CTSD: variants seen among roughly 807,000 people sequenced by gnomAD.
CTSD encodes the protein ceroid-lipofuscinosis, neuronal 10.
A neutral mutation model predicts 43.6 loss-of-function variants in CTSD; 28 were observed. That is an observed-to-expected ratio of 0.64 (90% CI 0.48 to 0.88). The LOEUF (loss-of-function observed/expected upper bound fraction) is 0.88. Among genes scored for constraint, CTSD ranks in the 40% least tolerant of loss-of-function variants. The pLI is 0.00. For missense variants in CTSD, 485 were observed against 555.2 expected (o/e 0.87, Z 1.27); for synonymous variants, 270 against 249.8 (o/e 1.08, Z -0.76).
At chr11:1,763,740 C>T in intron 1 of CTSD, 52 bp downstream of exon 1, 1 of 1,483,498 alleles carries the variant, frequency 6.7e-7, no homozygotes, top group Non-Finnish European at 9.0e-7. Flanking sequence ...GCCCCGGGAC[C>T]TCGGCGCCGC....
chr11:1,754,539 GGA>G (rs1565019496), intron 6 of CTSD, among the ~76,000 whole-genome samples: 53 of 130,192 alleles, frequency 4.1e-4, no homozygotes, highest in South Asian at 1.1e-3. Flanking sequence ...ATGGAGGGAT[GGA>G]GGGATGGAGG....
intron 1 of CTSD, 144 bp from the exon 2 acceptor site, chr11:1,761,612 C>T: frequency 1.1e-6 from 1 of 888,656 alleles, no homozygotes; most frequent in Non-Finnish European, 1.8e-6. Context: ...CACCTGGAAA[C>T]TGCTGGCCCA....
In CTSD at chr11:1,757,374, C is replaced by T. The variant is rs201551100; in HGVS notation, c.654G>A (p.Leu218=). 62 of 1,614,144 alleles carry T rather than the reference C, an allele frequency of 3.8e-5. 1 individual carries two copies. The East Asian group carries it at 1.4e-3, about 35-fold the overall frequency. ...TCTGGTCCACCAGCTTCTGCTGCAT[C>T]AGGTTGTCGAAGACGGGCAGCACGT... is the stretch of plus-strand genomic sequence containing the variant. The part of the protein sequence containing the change: ...VNNVLPVFDN[L]MQQKLVDQNI... The change falls in exon 5 of 9, where the codon CTG becomes CTA. Residue 218 remains leucine (L), a synonymous_variant. Coordinates refer to ENST00000236671, the MANE Select transcript of CTSD (RefSeq NM_001909.5).
At chr11:1,759,341 C>T (rs1845846845) in intron 3 of CTSD, among the ~76,000 whole-genome samples, 175 bp downstream of exon 3, 1 of 152,226 alleles carries the variant, frequency 6.6e-6, no homozygotes, top group Non-Finnish European at 1.5e-5. Context: ...GAGAGCAAGA[C>T]CACAGCTGGT....
At position 1,763,838 on chromosome 11, in the gene CTSD, G is replaced by C; in HGVS notation, c.22C>G (p.Pro8Ala). ...GCAGCCAGCAGGCAGAGGGCGAGCG[G>C]CAGAAGGCTGGAGGGCTGCATGGCG... MQPSSLL[P>A]LALCLLAAPA... Residue 8 changes from proline (P) to alanine (A), a missense_variant, in exon 1 of 9, where the codon CCG becomes GCG. Coordinates refer to ENST00000236671, the MANE Select transcript of CTSD (RefSeq NM_001909.5). 6.5e-7 allele frequency: 1 copy of C among 1,528,258 alleles called. No homozygotes were observed. Among genetic ancestry groups the C allele is most frequent in the Non-Finnish European group, 8.7e-7 (1 of 1,143,012 alleles). 94.7% of individuals were successfully genotyped at this position (1,528,258 alleles called of 1,614,324 possible).
chr11:1,754,724 T>A (rs1307709219), intron 6 of CTSD, among the ~76,000 whole-genome samples, 182 bp downstream of exon 6: 2 of 121,710 alleles, frequency 1.6e-5, no homozygotes. Flanking sequence ...GGGATGGAGG[T>A]GATGGGGAGC....
At position 1,757,406 on chromosome 11, in the gene CTSD, C is replaced by T. The variant is rs778031733; in HGVS notation, c.622G>A (p.Val208Ile). 25 of 1,614,076 alleles carry T rather than the reference C, an allele frequency of 1.5e-5. No individual in the cohort carries two copies. The highest frequency in any genetic ancestry group is 4.0e-5 in the African/African-American group (3 of 74,952). The change falls in exon 5 of 9, where the codon GTC (valine) becomes ATC (isoleucine). Residue 208 changes from valine (V) to isoleucine (I), a missense_variant. Physicochemically the swap from Val to Ile is conservative, Grantham distance 29. Transcript: ENST00000236671. ...TCGAAGACGGGCAGCACGTTGTTGA[C>T]GGAGATGCGGGGGTAGGCCATGCCC... Reference protein sequence around the residue: ...ILGMAYPRISVNNVLPVFDNL... With the variant: ...ILGMAYPRISINNVLPVFDNL...
In CTSD at chr11:1,753,274, C is replaced by T. The variant is rs1331052666; in HGVS notation, c.*229G>A. ...AGATCTGTGCTCTGGATCAGCTCTA[C>T]CCCCACCAAACAGATGGAGAGACAG... On this transcript the variant is annotated 3_prime_UTR_variant, in exon 9 of 9. Transcript: ENST00000236671. The T allele has an allele frequency of 6.5e-6, 4 of 613,684 alleles. No individual in the cohort carries two copies. The highest frequency in any genetic ancestry group is 5.1e-5 in the Admixed American group (2 of 39,112). 38.0% of individuals were successfully genotyped at this position (613,684 alleles called of 1,614,324 possible).
chr11:1,757,296 C>T lies in CTSD; in HGVS notation c.704+28G>A, dbSNP rs751231176. The T allele has an allele frequency of 4.2e-5, 67 of 1,591,830 alleles. No homozygotes were observed. In the South Asian group the frequency reaches 6.0e-4, roughly 14 times the overall value. The stretch of plus-strand genomic sequence containing the variant: ...AGCCCCGCCCTGCCTCCCAGCAACG[C>T]GGAGCGAGAGGGAACCCACACGCCC... On this transcript the variant is annotated intron_variant, in intron 5 of 8. Transcript: ENST00000236671.
Position 1,763,850 on chromosome 11 carries a change from A to T in CTSD, c.10T>A (p.Ser4Thr), listed in dbSNP as rs1165418385. 1 of 1,525,130 alleles carries T rather than the reference A, an allele frequency of 6.6e-7. No homozygotes were observed. Among genetic ancestry groups the T allele is most frequent in the Admixed American group, 2.0e-5 (1 of 50,178 alleles). The allele number at this position is 1,525,130 out of a possible 1,614,324, so 94.5% of individuals were successfully genotyped here. A position where few individuals can be genotyped will look rare whatever the true frequency, so the allele number is the denominator to read the frequency against. Residue 4 changes from serine to threonine, a missense_variant, in exon 1 of 9, where the codon TCC becomes ACC. Coordinates refer to ENST00000236671, the MANE Select transcript of CTSD (RefSeq NM_001909.5). ...CAGAGGGCGAGCGGCAGAAGGCTGG[A>T]GGGCTGCATGGCGGCGGCGGCCGGG... MQPSSLLPLALCLL... is the reference protein window; with the variant it reads MQPTSLLPLALCLL...
Position 1,761,332 on chromosome 11 carries a change from C to A in CTSD, c.205G>T (p.Glu69Ter). 6.2e-7 allele frequency: 1 copy of A among 1,613,836 alleles called. No individual in the cohort carries two copies. Among genetic ancestry groups the A allele is most frequent in the Non-Finnish European group, 8.5e-7 (1 of 1,180,008 alleles). The change falls in exon 2 of 9, where the codon GAG becomes TAG. Residue 69 changes from glutamate (E) to a stop codon, truncating the protein, a stop_gained. Coordinates refer to ENST00000236671, the MANE Select transcript of CTSD (RefSeq NM_001909.5). LOFTEE classifies it high-confidence loss of function. ...ACGTCCATGTAGTTCTTGAGCACCT[C>A]GGGAATGGGCCCCTCGGTCACGGCT... is the stretch of plus-strand genomic sequence containing the variant. ...VPAVTEGPIPEVLKNYMDAQY... is the reference protein window; with the variant it reads ...VPAVTEGPIP
intron 2 of CTSD, 40 bp downstream of exon 2, chr11:1,761,269 A>G (rs780495903): frequency 6.2e-7 from 1 of 1,609,476 alleles, no homozygotes. Context: ...CTCTCCTGAC[A>G]GTGGCTCCGC....
chr11:1,761,592 TCCTG>T, intron 1 of CTSD, 124 bp from the exon 2 acceptor site: 1 of 1,031,682 alleles, frequency 9.7e-7, no homozygotes, highest in Non-Finnish European at 1.5e-6. Context: ...AAAACCAAAC[TCCTG>T]CCTGTCACCT....
rs762444592 is a variant in CTSD at position 1,754,143 on chromosome 11, G to A, written c.828-5C>T. Reference sequence around the variant, plus strand: ...AGCCCGCTGGCCACCTCCACCCTGCGGGGAGTCAGGGCGTGAAGCCCCTGC... The same window carrying A: ...AGCCCGCTGGCCACCTCCACCCTGCAGGGAGTCAGGGCGTGAAGCCCCTGC... On this transcript the variant is annotated splice_polypyrimidine_tract_variant and splice_region_variant and intron_variant, in intron 6 of 8. Coordinates refer to ENST00000236671, the MANE Select transcript of CTSD (RefSeq NM_001909.5). 96 of 1,607,092 alleles carry A rather than the reference G, an allele frequency of 6.0e-5. No individual in the cohort carries two copies. Among genetic ancestry groups the A allele is most frequent in the African/African-American group, 8.0e-5 (6 of 74,900 alleles).
At chr11:1,760,861 T>C in intron 2 of CTSD, 1 of 246,598 alleles carries the variant, frequency 4.1e-6, no homozygotes, top group East Asian at 1.0e-4. Flanking sequence ...GCTTCCAGAG[T>C]GCTCCACCTT....
At position 1,754,934 on chromosome 11, in the gene CTSD, T is replaced by C. The variant is rs749091423; in HGVS notation, c.799A>G (p.Lys267Glu). Residue 267 changes from lysine (K) to glutamate (E), a missense_variant, in exon 6 of 9, where the codon AAG becomes GAG. Transcript: ENST00000236671. The part of the protein sequence containing the change: ...GSLSYLNVTR[K>E]AYWQVHLDQV... ...TCCAGGTGGACCTGCCAGTAGGCCT[T>C]GCGGGTGACATTCAGGTAGGACAGA... 6.2e-7 allele frequency: 1 copy of C among 1,613,910 alleles called. No individual in the cohort carries two copies. The highest frequency in any genetic ancestry group is 8.5e-7 in the Non-Finnish European group (1 of 1,179,902).
chr11:1,754,354 G>T, intron 6 of CTSD: 2 of 611,504 alleles, frequency 3.3e-6, no homozygotes, highest in East Asian at 5.5e-5. Flanking sequence ...GTGGTGAGGG[G>T]CATGGAGGGA....
chr11:1,754,350 A>T, intron 6 of CTSD: 15 of 395,216 alleles, frequency 3.8e-5, no homozygotes, highest in East Asian at 4.2e-5. Context: ...GGTGGTGGTG[A>T]GGGGCATGGA....
intron 5 of CTSD, among the ~76,000 whole-genome samples, chr11:1,756,816 C>T (rs922658666): frequency 5.3e-5 from 8 of 152,212 alleles, no homozygotes; most frequent in African/African-American, 9.7e-5. Flanking sequence ...CGAGGGCAGC[C>T]GGCACCTGCT....
Sources: gnomAD v4.1 joint callset for allele counts (sites outside exome capture counted in the v4.1 genomes callset) on GRCh38, gnomAD v4.1.1 for gene constraint, MANE v1.5 for transcripts, NCBI Gene and HGNC (gene_info 2026-07-23, HGNC 2026-07-21) for gene names.